SMYD3: variants seen among roughly 807,000 people sequenced by gnomAD.
SMYD3 encodes the protein histone-lysine N-methyltransferase SMYD3.
A neutral mutation model predicts 57.7 loss-of-function variants in SMYD3; 36 were observed. That is an observed-to-expected ratio of 0.62 (90% confidence interval 0.48 to 0.82). The LOEUF is 0.82. Among genes scored for constraint, SMYD3 ranks in the 40% least tolerant of loss-of-function variants. SMYD3 has a pLI of 0.00. For synonymous variants in SMYD3, 211 were observed against 195.0 expected (o/e 1.08, Z -0.68); for missense variants, 515 against 538.8 (o/e 0.96, Z 0.44).
intron 5 of SMYD3, among the ~76,000 whole-genome samples, chr1:246,253,093 T>C (rs1482351146): frequency 6.6e-6 from 1 of 152,152 alleles, no homozygotes; most frequent in African/African-American, 2.4e-5. Flanking sequence ...ATAGTTTGAA[T>C]TTAATAAATT....
At position 245,797,699 on chromosome 1, in the gene SMYD3, T is replaced by TAAAGA. The variant is rs541165178; in HGVS notation, c.1077-33555_1077-33551dup. Among the ~76,000 whole-genome samples, 214 of 151,268 alleles carry TAAAGA rather than the reference T, an allele frequency of 1.4e-3. 2 individuals carry two copies. In the East Asian group the frequency reaches 0.023, roughly 16 times the overall value. The stretch of plus-strand genomic sequence containing the variant: ...TTATATATAGATAGATAGATAGATA[T>TAAAGA]AAAGAAAAGAAAAGAAAAGAAAAAG... On this transcript the variant is annotated intron_variant, in intron 10 of 11. Coordinates refer to ENST00000490107, the MANE Select transcript of SMYD3 (RefSeq NM_001167740.2).
chr1:246,328,866 G>A (rs1223224502), intron 4 of SMYD3, among the ~76,000 whole-genome samples: 1 of 146,112 alleles, frequency 6.8e-6, no homozygotes. Flanking sequence ...ACAGTCCCCA[G>A]AGTGTGCTGT....
intron 1 of SMYD3, among the ~76,000 whole-genome samples, chr1:246,478,906 G>A (rs1303358234): frequency 5.0e-5 from 7 of 140,612 alleles, no homozygotes; most frequent in Admixed American, 1.4e-4. Flanking sequence ...GTACATAAGT[G>A]CTCGTATATG....
intron 5 of SMYD3, among the ~76,000 whole-genome samples, chr1:246,039,299 T>C (rs535139323): frequency 4.8e-4 from 73 of 152,338 alleles, no homozygotes; most frequent in Non-Finnish European, 8.2e-4. Context: ...CCCATATACA[T>C]GCATATTGAG....
chr1:246,405,337 T>C (rs2066843759), intron 1 of SMYD3, among the ~76,000 whole-genome samples: 2 of 152,222 alleles, frequency 1.3e-5, no homozygotes. Flanking sequence ...CAAACATTTA[T>C]CATTTATTTG....
At chr1:246,374,830 C>T (rs1344421054) in intron 1 of SMYD3, among the ~76,000 whole-genome samples, 1 of 148,156 alleles carries the variant, frequency 6.7e-6, no homozygotes, top group Non-Finnish European at 1.5e-5. Flanking sequence ...CCGTGGCTCA[C>T]GTCTGTTATC....
intron 5 of SMYD3, among the ~76,000 whole-genome samples, chr1:246,119,370 T>C (rs1236778385): frequency 6.6e-6 from 1 of 151,786 alleles, no homozygotes; most frequent in African/African-American, 2.4e-5. Flanking sequence ...GTCTTGCAGC[T>C]AAGTCCAAGC....
intron 1 of SMYD3, among the ~76,000 whole-genome samples, chr1:246,422,833 GTCTT>G (rs748889089): frequency 1.3e-5 from 2 of 151,880 alleles, no homozygotes; most frequent in African/African-American, 4.8e-5. Context: ...ATGAACTGAA[GTCTT>G]TCTTTCTTTC....
intron 1 of SMYD3, among the ~76,000 whole-genome samples, chr1:246,494,050 C>T (rs545167563): frequency 4.9e-4 from 75 of 152,140 alleles, no homozygotes; most frequent in Non-Finnish European, 9.6e-4. Flanking sequence ...AGTCTTTCCA[C>T]TTCTCTCCCT....
At chr1:246,024,821 G>A (rs77109548) in intron 5 of SMYD3, among the ~76,000 whole-genome samples, 285 of 49,836 alleles carry the variant, frequency 5.7e-3, no homozygotes, top group African/African-American at 0.024. Context: ...ATCTAGGAAG[G>A]GAGATACAGC....
At chr1:246,221,690 T>A (rs550203660) in intron 5 of SMYD3, among the ~76,000 whole-genome samples, 1 of 152,176 alleles carries the variant, frequency 6.6e-6, no homozygotes, top group Non-Finnish European at 1.5e-5. Context: ...GCCCACACCA[T>A]AGCAGCAGCT....
chr1:245,994,558 A>C (rs1198873346), intron 5 of SMYD3, among the ~76,000 whole-genome samples: 1 of 152,182 alleles, frequency 6.6e-6, no homozygotes, highest in Non-Finnish European at 1.5e-5. Flanking sequence ...GGGGACTCCA[A>C]GCATTTTCCT....
rs1005149513 is a variant in SMYD3, at chr1:246,254,883, T to C, written c.531+72318A>G. On this transcript the variant is annotated intron_variant, in intron 5 of 11. Coordinates refer to ENST00000490107, the MANE Select transcript of SMYD3 (RefSeq NM_001167740.2). ...TGTATTCCTAGGTGTTGTGCATGTG[T>C]ATCTCTACTGCAAATGAGACTGGAT... Among the ~76,000 whole-genome samples, 35 of 152,208 alleles carry C rather than the reference T, an allele frequency of 2.3e-4. 1 individual carries two copies. Among genetic ancestry groups the C allele is most frequent in the African/African-American group, 8.4e-4 (35 of 41,454 alleles).
chr1:245,817,246 C>T (rs1436389515), intron 10 of SMYD3, among the ~76,000 whole-genome samples: 3 of 144,518 alleles, frequency 2.1e-5, no homozygotes, highest in Non-Finnish European at 3.0e-5. Flanking sequence ...ACCCCTGACC[C>T]CCGAGCAGCC....
At chr1:246,286,616 C>T (rs1010916000) in intron 5 of SMYD3, among the ~76,000 whole-genome samples, 1 of 152,084 alleles carries the variant, frequency 6.6e-6, no homozygotes, top group East Asian at 1.9e-4. Flanking sequence ...TAATGACTTG[C>T]CAATATAAAT....
chr1:246,190,494 AGAATCGCTT>A (rs745486482), intron 5 of SMYD3, among the ~76,000 whole-genome samples: 98 of 147,802 alleles, frequency 6.6e-4, no homozygotes, highest in Admixed American at 2.7e-3. Context: ...CTGAGGCAGG[AGAATCGCTT>A]GAACCCGGGA....
intron 5 of SMYD3, among the ~76,000 whole-genome samples, chr1:246,172,635 A>G (rs908069137): frequency 1.3e-4 from 19 of 147,962 alleles, no homozygotes; most frequent in Admixed American, 5.4e-4. Context: ...CAGGCCTAGA[A>G]CACTCACTGT....
chr1:246,435,877 A>G (rs2067364361), intron 1 of SMYD3, among the ~76,000 whole-genome samples: 1 of 150,776 alleles, frequency 6.6e-6, no homozygotes, highest in Non-Finnish European at 1.5e-5. Context: ...CCCACGTGGC[A>G]TTTGAATTTC....
intron 1 of SMYD3, among the ~76,000 whole-genome samples, chr1:246,415,654 G>A (rs150722705): frequency 5.7e-4 from 87 of 152,140 alleles, no homozygotes; most frequent in African/African-American, 2.0e-3. Flanking sequence ...AAACTATTGG[G>A]CTCAAGTGAT....
Sources: allele counts gnomAD v4.1 joint callset (sites outside exome capture counted in the v4.1 genomes callset), GRCh38; gene constraint gnomAD v4.1.1; transcripts MANE v1.5; gene names NCBI Gene and HGNC (gene_info 2026-07-23, HGNC 2026-07-21).